Variants in BBS9 observed in about 807,000 individuals in gnomAD.
BBS9 encodes the protein protein PTHB1.
BBS9 carries 89 observed loss-of-function variants against 117.7 expected under a neutral mutation model. That is an observed-to-expected ratio of 0.76 (90% CI 0.64 to 0.90). The LOEUF is 0.90. Among genes scored for constraint, BBS9 ranks in the 40% least tolerant of loss-of-function variants. The pLI is 0.00. For synonymous variants in BBS9, 379 were observed against 370.9 expected, an observed-to-expected ratio of 1.02 and a Z score of -0.25; for missense variants, 982 against 1,042.2, an observed-to-expected ratio of 0.94 and a Z score of 0.80.
At chr7:33,563,166 G>A (rs1021312886) in intron 21 of BBS9, among the ~76,000 whole-genome samples, 3 of 152,142 alleles carry the variant, frequency 2.0e-5, no homozygotes, top group Non-Finnish European at 4.4e-5. Context: ...GTCATCTCTG[G>A]TGTCAAAAGG....
In BBS9 at chr7:33,236,719, A is replaced by G. The variant is rs144041618; in HGVS notation, c.443-20517A>G. On this transcript the variant is annotated intron_variant, in intron 5 of 22. Transcript: ENST00000242067. ...TGATCTATGTATACATTGTAGAAAG[A>G]TTAAATGAAGCTAATTAACATATCC... Among the ~76,000 whole-genome samples, 1,188 of 152,236 alleles carry G rather than the reference A, an allele frequency of 7.8e-3. 20 individuals are homozygous for G. Among genetic ancestry groups the G allele is most frequent in the African/African-American group, 0.027 (1,135 of 41,574 alleles).
At chr7:33,200,174 A>G (rs1273469132) in intron 5 of BBS9, among the ~76,000 whole-genome samples, 4 of 151,966 alleles carry the variant, frequency 2.6e-5, no homozygotes, top group South Asian at 2.1e-4. Context: ...CACTGTTTTC[A>G]TTTCTGTTGC....
chr7:33,574,752 T>C (rs1187503064), intron 21 of BBS9, among the ~76,000 whole-genome samples: 2 of 148,612 alleles, frequency 1.3e-5, no homozygotes, highest in Non-Finnish European at 3.0e-5. Flanking sequence ...CTTTCACTAT[T>C]TATTTATTTT....
At chr7:33,165,157 C>T (rs1286291282) in intron 4 of BBS9, among the ~76,000 whole-genome samples, 1 of 152,124 alleles carries the variant, frequency 6.6e-6, no homozygotes, top group Non-Finnish European at 1.5e-5. Flanking sequence ...AATATTGTCC[C>T]CCACTCTCTT....
intron 12 of BBS9, among the ~76,000 whole-genome samples, chr7:33,347,765 G>A (rs1439766310): frequency 6.6e-6 from 1 of 151,382 alleles, no homozygotes; most frequent in African/African-American, 2.4e-5. Flanking sequence ...CAAGAAAGAG[G>A]TAATACATGC....
chr7:33,191,129 C>T (rs1784050019), intron 5 of BBS9, among the ~76,000 whole-genome samples: 1 of 152,058 alleles, frequency 6.6e-6, no homozygotes, highest in African/African-American at 2.4e-5. Flanking sequence ...GCTTAGGTGT[C>T]CAGGTTGCTG....
In BBS9 at chr7:33,222,711, G is replaced by T. The variant is rs1023167017; in HGVS notation, c.443-34525G>T. Among the ~76,000 whole-genome samples the T allele has an allele frequency of 2.2e-4, 33 of 151,952 alleles. 2 individuals are homozygous for T. Among genetic ancestry groups the T allele is most frequent in the Admixed American group, 2.0e-4 (3 of 15,246 alleles). On this transcript the variant is annotated intron_variant, in intron 5 of 22. Coordinates refer to ENST00000242067, the MANE Select transcript of BBS9 (RefSeq NM_198428.3). ...GCTTGTAACTCCAGCACTTTGGGAG[G>T]CTGAGGTGGGTGGATCACTTTAGGC...
At chr7:33,374,684 C>G (rs774150839) in intron 17 of BBS9, among the ~76,000 whole-genome samples, 4 of 151,966 alleles carry the variant, frequency 2.6e-5, no homozygotes, top group Non-Finnish European at 4.4e-5. Context: ...GGTGGATCAC[C>G]TAAGGTCGGG....
intron 18 of BBS9, among the ~76,000 whole-genome samples, chr7:33,385,374 T>C (rs1177203118): frequency 2.6e-5 from 4 of 152,220 alleles, no homozygotes; most frequent in Non-Finnish European, 5.9e-5. Context: ...ATTAGTAAGA[T>C]TTTAAACTTT....
At chr7:33,327,593 G>A (rs561416657) in intron 9 of BBS9, among the ~76,000 whole-genome samples, 7 of 152,230 alleles carry the variant, frequency 4.6e-5, no homozygotes, top group African/African-American at 9.6e-5. Context: ...CAGCTACTTC[G>A]GAAGCTGAGG....
intron 21 of BBS9, among the ~76,000 whole-genome samples, chr7:33,596,587 C>T (rs1382870304): frequency 6.6e-6 from 1 of 152,010 alleles, no homozygotes; most frequent in Non-Finnish European, 1.5e-5. Context: ...ATTTTGTCTC[C>T]ATTGTACCCC....
intron 12 of BBS9, among the ~76,000 whole-genome samples, chr7:33,348,478 G>A (rs1165893176): frequency 1.3e-5 from 2 of 152,188 alleles, no homozygotes; most frequent in African/African-American, 4.8e-5. Context: ...CATTCATCAT[G>A]ATGGGAATTT....
intron 21 of BBS9, among the ~76,000 whole-genome samples, chr7:33,547,099 A>T (rs1853517274): frequency 1.3e-5 from 2 of 152,152 alleles, no homozygotes; most frequent in African/African-American, 4.8e-5. Context: ...TATACTCTTC[A>T]CTCAGCTTCC....
chr7:33,485,919 T>C (rs1462211620), intron 19 of BBS9, among the ~76,000 whole-genome samples: 1 of 152,224 alleles, frequency 6.6e-6, no homozygotes, highest in Admixed American at 6.5e-5. Flanking sequence ...CATTCACTGA[T>C]TGAATCCAGT....
intron 19 of BBS9, among the ~76,000 whole-genome samples, chr7:33,407,673 G>C (rs11766818): frequency 0.17 from 25,231 of 152,180 alleles, 2,372 homozygotes; most frequent in South Asian, 0.21. Context: ...TCAGCTGCAG[G>C]TCTGTTGGAG....
chr7:33,307,583 C>A (rs1808286643), intron 9 of BBS9, among the ~76,000 whole-genome samples: 1 of 151,708 alleles, frequency 6.6e-6, no homozygotes, highest in African/African-American at 2.4e-5. Context: ...ATACTAAAGT[C>A]TCTTATATAA....
At chr7:33,409,643 G>T (rs1830744944) in intron 19 of BBS9, among the ~76,000 whole-genome samples, 1 of 152,050 alleles carries the variant, frequency 6.6e-6, no homozygotes, top group Non-Finnish European at 1.5e-5. Context: ...TGAGGATTCT[G>T]TTTCTTTACA....
At chr7:33,564,502 T>C (rs1017668862) in intron 21 of BBS9, among the ~76,000 whole-genome samples, 5 of 152,218 alleles carry the variant, frequency 3.3e-5, no homozygotes, top group Non-Finnish European at 7.3e-5. Context: ...CTGATCAAGA[T>C]AATGCATGGA....
At chr7:33,278,631 TA>T (rs1801234715) in intron 9 of BBS9, among the ~76,000 whole-genome samples, 1 of 152,186 alleles carries the variant, frequency 6.6e-6, no homozygotes, top group African/African-American at 2.4e-5. Flanking sequence ...GATTTTTTAA[TA>T]AGAGGCATTT....
Sources: allele counts gnomAD v4.1 joint callset (sites outside exome capture counted in the v4.1 genomes callset), GRCh38; gene constraint gnomAD v4.1.1; transcripts MANE v1.5; gene names NCBI Gene and HGNC (gene_info 2026-07-23, HGNC 2026-07-21).